BMPER: variants seen among roughly 807,000 people sequenced by gnomAD.
The protein encoded by BMPER is BMP binding endothelial regulator, also known as BMP-binding endothelial regulator protein.
BMPER carries 45 observed loss-of-function variants against 87.3 expected under a neutral mutation model. The ratio of observed to expected loss-of-function variants is 0.52; its 90% confidence interval spans 0.41 to 0.66. The LOEUF (loss-of-function observed/expected upper bound fraction) is 0.66, where lower values mean the gene tolerates loss of function less well. Among genes scored for constraint, BMPER ranks in the 30% least tolerant of loss-of-function variants. The probability of loss-of-function intolerance (pLI) is 0.00; values close to 1 mark genes in which losing one functional copy is unlikely to be tolerated. For missense variants in BMPER, 784 were observed against 867.5 expected (o/e 0.90, Z 1.21); for synonymous variants, 326 against 316.2 (o/e 1.03, Z -0.33).
chr7:34,080,924 T>C (rs987884104), intron 12 of BMPER, among the ~76,000 whole-genome samples: 2 of 152,192 alleles, frequency 1.3e-5, no homozygotes, highest in Non-Finnish European at 2.9e-5. Context: ...AAGAGAATAA[T>C]AATAGATCAT....
intron 13 of BMPER, among the ~76,000 whole-genome samples, chr7:34,124,203 A>G (rs1183938832): frequency 6.6e-6 from 1 of 152,160 alleles, no homozygotes; most frequent in African/African-American, 2.4e-5. Context: ...TCTTTTAGGT[A>G]CATCTTCTCC....
At chr7:33,980,605 A>G (rs1335515000) in intron 6 of BMPER, among the ~76,000 whole-genome samples, 3 of 152,204 alleles carry the variant, frequency 2.0e-5, no homozygotes, top group Admixed American at 6.5e-5. Flanking sequence ...TCTTTTTACC[A>G]AACTATTTTA....
chr7:34,053,852 C>A (rs1431522992), intron 8 of BMPER, among the ~76,000 whole-genome samples: 1 of 152,168 alleles, frequency 6.6e-6, no homozygotes, highest in African/African-American at 2.4e-5. Context: ...TGGACCCATG[C>A]AGTTCAAATC....
rs547446980 is a variant in BMPER at position 34,111,970 on chromosome 7, C to T, written c.1745+25878C>T. The stretch of plus-strand genomic sequence containing the variant: ...CAGGTGATCCGCCTGCCTCGGCCTC[C>T]CAAAGTGCTGGAATTAAAAAAAATC... On this transcript the variant is annotated intron_variant, in intron 13 of 14. Coordinates refer to ENST00000649409, the MANE Select transcript of BMPER (RefSeq NM_001365308.1). Among the ~76,000 whole-genome samples, 64 of 152,004 alleles carry T rather than the reference C, an allele frequency of 4.2e-4. 1 individual carries two copies. The highest frequency in any genetic ancestry group is 5.9e-4 in the Non-Finnish European group (40 of 68,020).
At chr7:33,937,145 C>A in intron 2 of BMPER, 144 bp from the exon 3 acceptor site, 2 of 822,534 alleles carry the variant, frequency 2.4e-6, no homozygotes, top group Non-Finnish European at 2.0e-6. Flanking sequence ...TCAGAGATGG[C>A]AAAATCCTAT....
chr7:33,928,354 A>G (rs536975441), intron 2 of BMPER, among the ~76,000 whole-genome samples: 1 of 152,174 alleles, frequency 6.6e-6, no homozygotes, highest in East Asian at 1.9e-4. Context: ...TGTTCCCTCC[A>G]TTCCAGTTAC....
chr7:34,010,625 T>C (rs1029714734), intron 6 of BMPER, among the ~76,000 whole-genome samples: 1 of 151,954 alleles, frequency 6.6e-6, no homozygotes, highest in South Asian at 2.1e-4. Context: ...ATGATTGCTA[T>C]TGTCACAAGT....
At chr7:34,146,482 A>G (rs986993187) in intron 14 of BMPER, among the ~76,000 whole-genome samples, 6 of 152,232 alleles carry the variant, frequency 3.9e-5, no homozygotes, top group Non-Finnish European at 8.8e-5. Flanking sequence ...GCTAAGGGCT[A>G]TAGTGAAAGT....
At chr7:33,979,794 A>G (rs1785800760) in intron 6 of BMPER, among the ~76,000 whole-genome samples, 2 of 152,202 alleles carry the variant, frequency 1.3e-5, no homozygotes, top group Non-Finnish European at 2.9e-5. Flanking sequence ...TGGCTTGTAT[A>G]CGCCATGTGG....
At chr7:34,052,201 T>TAA in intron 8 of BMPER, among the ~76,000 whole-genome samples, 1 of 152,186 alleles carries the variant, frequency 6.6e-6, no homozygotes, top group Non-Finnish European at 1.5e-5. Context: ...GTAGTGAGAA[T>TAA]CAGGCTCCAA....
chr7:34,061,994 C>A lies in BMPER; in HGVS notation c.1033-8C>A. On this transcript the variant is annotated splice_region_variant and splice_polypyrimidine_tract_variant and intron_variant, in intron 10 of 14. Coordinates refer to ENST00000649409, the MANE Select transcript of BMPER (RefSeq NM_001365308.1). The stretch of plus-strand genomic sequence containing the variant: ...CAGTAACTTTGTATTTGTTTTTCTT[C>A]TGATTAGGGCAAAATTCTCAACAGA... 6.8e-7 allele frequency: 1 copy of A among 1,460,782 alleles called. No individual in the cohort carries two copies. Among genetic ancestry groups the A allele is most frequent in the Non-Finnish European group, 9.2e-7 (1 of 1,084,876 alleles). 90.5% of individuals were successfully genotyped at this position (1,460,782 alleles called of 1,614,324 possible). A position where few individuals can be genotyped will look rare whatever the true frequency, so the allele number is the denominator to read the frequency against.
At chr7:34,147,701 C>T (rs1045194736) in intron 14 of BMPER, among the ~76,000 whole-genome samples, 8 of 152,268 alleles carry the variant, frequency 5.3e-5, no homozygotes, top group African/African-American at 1.7e-4. Context: ...AACTCCTGAC[C>T]TCAGGTGATC....
chr7:34,109,651 C>T (rs1789911034), intron 13 of BMPER, among the ~76,000 whole-genome samples: 1 of 152,150 alleles, frequency 6.6e-6, no homozygotes, highest in Admixed American at 6.5e-5. Context: ...TTCCCACTGC[C>T]TGTGGGTACC....
chr7:33,949,682 T>C (rs1784973087), intron 3 of BMPER, among the ~76,000 whole-genome samples: 1 of 152,194 alleles, frequency 6.6e-6, no homozygotes. Flanking sequence ...TCTGGAATGC[T>C]TGCATAGATG....
At chr7:34,143,444 A>C (rs773234949) in intron 14 of BMPER, 84 bp downstream of exon 14, 49 of 1,577,278 alleles carry the variant, frequency 3.1e-5, no homozygotes, top group Non-Finnish European at 9.5e-6. Context: ...GGATGCTGAC[A>C]TGAGTGGCCA....
intron 13 of BMPER, among the ~76,000 whole-genome samples, chr7:34,091,746 G>T (rs1214394602): frequency 1.3e-5 from 2 of 152,064 alleles, no homozygotes; most frequent in African/African-American, 2.4e-5. Flanking sequence ...ACTGCTCAAG[G>T]TCATCACCAA....
At chr7:34,098,358 T>A (rs12701344) in intron 13 of BMPER, among the ~76,000 whole-genome samples, 1 of 152,218 alleles carries the variant, frequency 6.6e-6, no homozygotes, top group Non-Finnish European at 1.5e-5. Context: ...GGCCCATGCA[T>A]CCAGAACAGC....
At chr7:34,116,121 C>T (rs1022274327) in intron 13 of BMPER, among the ~76,000 whole-genome samples, 3 of 152,168 alleles carry the variant, frequency 2.0e-5, no homozygotes, top group African/African-American at 7.2e-5. Flanking sequence ...TAATAAATAA[C>T]TCATTCCCTT....
At chr7:34,142,255 T>C (rs989688788) in intron 13 of BMPER, among the ~76,000 whole-genome samples, 7 of 152,200 alleles carry the variant, frequency 4.6e-5, no homozygotes, top group Admixed American at 3.3e-4. Flanking sequence ...GGACACTCTT[T>C]CAAAGCTGGG....
Sources: gnomAD v4.1 joint callset for allele counts (sites outside exome capture counted in the v4.1 genomes callset) on GRCh38, gnomAD v4.1.1 for gene constraint, MANE v1.5 for transcripts, NCBI Gene and HGNC (gene_info 2026-07-23, HGNC 2026-07-21) for gene names.